The following SAMMSON variants were observed in gnomAD, a reference collection of about 807,000 sequenced individuals.
The protein encoded by SAMMSON is long intergenic non-protein coding RNA 1212.
At chr3:70,172,218 T>C (rs924242368) in intron 4 of SAMMSON, 20 of 151,838 alleles carry the variant, frequency 1.3e-4, no homozygotes, top group African/African-American at 4.3e-4. Flanking sequence ...AAAGGCTAGT[T>C]AGTTATTGGA....
chr3:70,118,907 C>A (rs1051137977), intron 4 of SAMMSON, among the ~76,000 whole-genome samples: 1 of 152,052 alleles, frequency 6.6e-6, no homozygotes, highest in African/African-American at 2.4e-5. Context: ...GGCAATGTGA[C>A]CAGAAAATAT....
intron 2 of SAMMSON, among the ~76,000 whole-genome samples, chr3:70,416,144 TA>T (rs1701263062): frequency 6.6e-6 from 1 of 152,202 alleles, no homozygotes; most frequent in Non-Finnish European, 1.5e-5. Context: ...CCTTGCACAG[TA>T]ATTTCAATGG....
chr3:70,367,599 A>G (rs1452559528), intron 9 of SAMMSON, among the ~76,000 whole-genome samples: 1 of 151,548 alleles, frequency 6.6e-6, no homozygotes, highest in Admixed American at 6.6e-5. Context: ...TTGCATGTAT[A>G]CTACATTTTC....
intron 9 of SAMMSON, among the ~76,000 whole-genome samples, chr3:70,371,691 G>C (rs1702971333): frequency 6.6e-6 from 1 of 151,832 alleles, no homozygotes; most frequent in Non-Finnish European, 1.5e-5. Context: ...TTTGTGTCCT[G>C]CAACCTTAAT....
intron 4 of SAMMSON, among the ~76,000 whole-genome samples, chr3:70,237,749 G>C (rs1289255985): frequency 6.6e-6 from 1 of 152,204 alleles, no homozygotes; most frequent in Non-Finnish European, 1.5e-5. Context: ...AATGGGCTTT[G>C]AATAATGTGC....
At chr3:70,057,227 G>C (rs1316297229) in intron 3 of SAMMSON, among the ~76,000 whole-genome samples, 2 of 151,946 alleles carry the variant, frequency 1.3e-5, no homozygotes, top group Non-Finnish European at 2.9e-5. Flanking sequence ...TGGGGAAAGG[G>C]GGTTAAAAAT....
At chr3:70,403,094 G>A (rs751342852) in intron 2 of SAMMSON, among the ~76,000 whole-genome samples, 11 of 152,068 alleles carry the variant, frequency 7.2e-5, no homozygotes, top group Non-Finnish European at 1.5e-4. Context: ...TTAGTTTAGG[G>A]AGGTGCAGAA....
intron 4 of SAMMSON, among the ~76,000 whole-genome samples, chr3:70,247,137 T>C (rs1245119039): frequency 6.6e-6 from 1 of 152,034 alleles, no homozygotes; most frequent in African/African-American, 2.4e-5. Context: ...AATGAATTTA[T>C]TCTTGGCCAT....
chr3:70,245,822 AT>A (rs1559543846), intron 4 of SAMMSON, among the ~76,000 whole-genome samples: 2 of 149,942 alleles, frequency 1.3e-5, no homozygotes, highest in Non-Finnish European at 3.0e-5. Flanking sequence ...TCACCATCCA[AT>A]TTTTTTGAAT....
intron 7 of SAMMSON, among the ~76,000 whole-genome samples, chr3:70,308,504 G>C (rs1253736435): frequency 6.6e-6 from 1 of 152,044 alleles, no homozygotes; most frequent in Non-Finnish European, 1.5e-5. Flanking sequence ...AACAGCTCTG[G>C]CTGTGGCTTT....
chr3:70,114,394 C>T (rs2067401809), intron 4 of SAMMSON, among the ~76,000 whole-genome samples: 1 of 152,160 alleles, frequency 6.6e-6, no homozygotes, highest in Non-Finnish European at 1.5e-5. Context: ...AACGAAATCT[C>T]TTTGTCGACA....
intron 4 of SAMMSON, chr3:70,125,983 TG>T: frequency 1.2e-6 from 1 of 805,076 alleles, no homozygotes; most frequent in African/African-American, 1.7e-5. Context: ...CAATGGCATA[TG>T]GTCTTCATAG....
Position 70,355,365 on chromosome 3 carries a change from G to A in SAMMSON, n.842+1088G>A, listed in dbSNP as rs780023814. Reference sequence around the variant, plus strand: ...AATGAATACATGCAAAGAGCCAACTGAAACATGCACAGATAAAGTAGGCAT... The same window carrying A: ...AATGAATACATGCAAAGAGCCAACTAAAACATGCACAGATAAAGTAGGCAT... On this transcript the variant is annotated intron_variant and non_coding_transcript_variant, in intron 8 of 9. Transcript: ENST00000642114. Among the ~76,000 whole-genome samples the A allele has an allele frequency of 7.9e-5, 12 of 151,546 alleles. 1 individual carries two copies. The highest frequency in any genetic ancestry group is 1.5e-5 in the Non-Finnish European group (1 of 67,938).
chr3:70,276,609 C>G (rs1261895349), intron 6 of SAMMSON, among the ~76,000 whole-genome samples: 1 of 152,126 alleles, frequency 6.6e-6, no homozygotes, highest in Non-Finnish European at 1.5e-5. Flanking sequence ...GTGTATTTAC[C>G]TTTGTTTACC....
intron 4 of SAMMSON, chr3:70,126,002 G>A (rs900414857): frequency 1.1e-5 from 9 of 819,902 alleles, no homozygotes; most frequent in South Asian, 7.1e-5. Context: ...TAGATGGGAG[G>A]CTGCGCAGTA....
chr3:70,405,772 A>T (rs1319228455), intron 2 of SAMMSON, among the ~76,000 whole-genome samples: 1 of 152,208 alleles, frequency 6.6e-6, no homozygotes, highest in Admixed American at 6.5e-5. Flanking sequence ...GAAGACAGAA[A>T]AAGTATTTAA....
At chr3:70,141,413 C>T (rs2067527083) in intron 4 of SAMMSON, among the ~76,000 whole-genome samples, 2 of 152,240 alleles carry the variant, frequency 1.3e-5, no homozygotes, top group Admixed American at 1.3e-4. Flanking sequence ...TGCCTTTTCC[C>T]CAGCTTTGTG....
chr3:70,121,787 A>G (rs12494970), intron 4 of SAMMSON, among the ~76,000 whole-genome samples: 41,989 of 152,042 alleles, frequency 0.28, 6,104 homozygotes, highest in East Asian at 0.52. Flanking sequence ...GCAGGGACAA[A>G]GACTGGTGGC....
intron 3 of SAMMSON, among the ~76,000 whole-genome samples, chr3:70,058,059 A>AT (rs1229849418): frequency 1.3e-5 from 2 of 152,152 alleles, no homozygotes; most frequent in East Asian, 1.9e-4. Flanking sequence ...ATATCTCTTC[A>AT]TTTTTTTCCT....
Sources: allele counts gnomAD v4.1 joint callset (sites outside exome capture counted in the v4.1 genomes callset), GRCh38; gene constraint gnomAD v4.1.1; transcripts MANE v1.5; gene names NCBI Gene and HGNC (gene_info 2026-07-23, HGNC 2026-07-21).